LMOD1: variants seen among roughly 807,000 people sequenced by gnomAD.
The protein encoded by LMOD1 is leiomodin-1.
Under a neutral mutation model 36.5 loss-of-function variants are expected in LMOD1, and 8 were observed. The observed-to-expected ratio is 0.22, with a 90% CI of 0.13 to 0.40. The LOEUF is 0.40. Ranked by LOEUF, LMOD1 falls within the 10% of genes least tolerant of loss-of-function variation. LMOD1 has a pLI of 1.00. For synonymous variants in LMOD1, 284 were observed against 288.7 expected (o/e 0.98, Z 0.17); for missense variants, 630 against 751.1 (o/e 0.84, Z 1.88).
chr1:201,934,441 C>T (rs551089653), intron 1 of LMOD1, among the ~76,000 whole-genome samples: 1 of 152,262 alleles, frequency 6.6e-6, no homozygotes, highest in South Asian at 2.1e-4. Flanking sequence ...AGATGTGACC[C>T]CTCGACTGCA....
intron 1 of LMOD1, among the ~76,000 whole-genome samples, chr1:201,931,764 C>T (rs1392476764): frequency 4.0e-5 from 6 of 151,196 alleles, no homozygotes; most frequent in Admixed American, 6.6e-5. Flanking sequence ...TGGCTGGGCA[C>T]GGTGGGACAT....
Position 201,915,850 on chromosome 1 carries a change from G to A in LMOD1, c.262-15099C>T, listed in dbSNP as rs902690753. Among the ~76,000 whole-genome samples, 5 of 152,174 alleles carry A rather than the reference G, an allele frequency of 3.3e-5. No homozygotes were observed. The South Asian group carries it at 6.2e-4, about 19-fold the overall frequency. ...CGGTTTCGCTGACCTCCTCCAGGGC[G>A]ATCCTTGCACGGCAGCCCCAGGGAC... is the stretch of plus-strand genomic sequence containing the variant. On this transcript the variant is annotated intron_variant, in intron 1 of 2. Transcript: ENST00000367288.
At chr1:201,929,035 T>A (rs529414491) in intron 1 of LMOD1, among the ~76,000 whole-genome samples, 1 of 150,972 alleles carries the variant, frequency 6.6e-6, no homozygotes, top group Non-Finnish European at 1.5e-5. Flanking sequence ...ATATAATTAA[T>A]ATTTTCTTTA....
Position 201,921,976 on chromosome 1 carries a change from A to G in LMOD1, c.262-21225T>C, listed in dbSNP as rs114520673. On this transcript the variant is annotated intron_variant, in intron 1 of 2. Coordinates refer to ENST00000367288, the MANE Select transcript of LMOD1 (RefSeq NM_012134.3). Reference sequence around the variant, plus strand: ...TTCCATCTCAAAAAAAAAAAGAAAAAGAAAATCACCACATTATTTAATGAA... The same window carrying G: ...TTCCATCTCAAAAAAAAAAAGAAAAGGAAAATCACCACATTATTTAATGAA... Among the ~76,000 whole-genome samples, 1,342 of 151,916 alleles carry G rather than the reference A, an allele frequency of 8.8e-3. 23 individuals carry two copies. Among genetic ancestry groups the G allele is most frequent in the African/African-American group, 0.029 (1,193 of 41,426 alleles).
intron 1 of LMOD1, among the ~76,000 whole-genome samples, chr1:201,941,481 C>T (rs2819369): frequency 0.32 from 49,132 of 151,992 alleles, 8,250 homozygotes; most frequent in East Asian, 0.44. Flanking sequence ...ACCTCTTCTG[C>T]CCTCTTCACC....
intron 1 of LMOD1, among the ~76,000 whole-genome samples, chr1:201,915,032 A>C (rs1282690888): frequency 6.6e-6 from 1 of 152,208 alleles, no homozygotes; most frequent in Non-Finnish European, 1.5e-5. Context: ...CATGGAAATT[A>C]GTTTCATCCA....
In LMOD1 at chr1:201,901,558, ATATATG is replaced by A. The variant is rs1443344803; in HGVS notation, c.262-813_262-808del. On this transcript the variant is annotated intron_variant, in intron 1 of 2. Coordinates refer to ENST00000367288, the MANE Select transcript of LMOD1 (RefSeq NM_012134.3). ...TATATATATATATATATATACATAT[ATATATG>A]TATATATATATATATATATACATAT... 3.7e-3 allele frequency among the ~76,000 whole-genome samples: 126 copies of A among 33,722 alleles called. 9 individuals are homozygous for A. The highest frequency in any genetic ancestry group is 0.014 in the South Asian group (16 of 1,176). The allele number at this position is 33,722 out of a possible 152,430, so 22.1% of individuals were successfully genotyped here.
chr1:201,945,164 G>A lies in LMOD1; in HGVS notation c.261+916C>T, dbSNP rs573926461. On this transcript the variant is annotated intron_variant, in intron 1 of 2. Coordinates refer to ENST00000367288, the MANE Select transcript of LMOD1 (RefSeq NM_012134.3). ...GTATCCCACAAAGTCATACTTCATC[G>A]GAGGCTAGTTTGTCCAAAGAAAACT... 2.0e-4 allele frequency among the ~76,000 whole-genome samples: 30 copies of A among 152,214 alleles called. 1 individual carries two copies. In the South Asian group the frequency reaches 4.8e-3, roughly 24 times the overall value.
In LMOD1 at chr1:201,899,457, G is replaced by A; in HGVS notation, c.1556C>T (p.Pro519Leu). Reference protein sequence around the residue: ...PKPSPQPSPKPSPKNSPKKGG... With the variant: ...PKPSPQPSPKLSPKNSPKKGG... ...TTTTTTGGGTGAGTTCTTTGGAGAGGGCTTTGGAGATGGTTGAGGTGAAGG... is the reference window on the plus strand; with the variant it reads ...TTTTTTGGGTGAGTTCTTTGGAGAGAGCTTTGGAGATGGTTGAGGTGAAGG... Residue 519 changes from proline to leucine, a missense_variant, in exon 2 of 3, where the codon CCC (proline) becomes CTC (leucine). By Grantham distance (98) the Pro-to-Leu change is moderately conservative (BLOSUM62 -3). Transcript: ENST00000367288. This position sits in a 1 kb window ranked among gnomAD's most constrained non-coding sequence, Gnocchi z 6.3. The A allele has an allele frequency of 2.5e-6, 4 of 1,613,972 alleles. No individual in the cohort carries two copies. Among genetic ancestry groups the A allele is most frequent in the Non-Finnish European group, 2.5e-6 (3 of 1,179,890 alleles).
rs1209263932 is a variant in LMOD1, at chr1:201,901,519, T to TAC, written c.262-769_262-768insGT. 5.8e-4 allele frequency among the ~76,000 whole-genome samples: 38 copies of TAC among 65,066 alleles called. No homozygotes were observed. The South Asian group carries it at 0.018, about 30-fold the overall frequency. 42.7% of individuals were successfully genotyped at this position (65,066 alleles called of 152,430 possible). ...CTCTGTCTCAAAAAAAAAATATATA[T>TAC]ATATATATATGTATATATATATATA... On this transcript the variant is annotated intron_variant, in intron 1 of 2. Transcript: ENST00000367288.
intron 1 of LMOD1, among the ~76,000 whole-genome samples, chr1:201,904,168 A>G (rs1204548120): frequency 6.6e-6 from 1 of 152,060 alleles, no homozygotes; most frequent in Non-Finnish European, 1.5e-5. Flanking sequence ...TCTCACCCCT[A>G]GCCAGGACTC....
At chr1:201,915,003 T>C (rs1253774875) in intron 1 of LMOD1, among the ~76,000 whole-genome samples, 1 of 152,198 alleles carries the variant, frequency 6.6e-6, no homozygotes, top group Non-Finnish European at 1.5e-5. Flanking sequence ...AACACACTCT[T>C]GCCTCACCCC....
At chr1:201,918,937 G>A (rs1681652658) in intron 1 of LMOD1, among the ~76,000 whole-genome samples, 1 of 152,176 alleles carries the variant, frequency 6.6e-6, no homozygotes, top group African/African-American at 2.4e-5. Flanking sequence ...CTGTCACCCA[G>A]GCTGGAGTGT....
chr1:201,928,851 G>A (rs1031291714), intron 1 of LMOD1, among the ~76,000 whole-genome samples: 4 of 151,710 alleles, frequency 2.6e-5, no homozygotes, highest in African/African-American at 7.3e-5. Flanking sequence ...GAATAGCTGG[G>A]ATTACAGGTG....
rs1231955523 is a variant in LMOD1, at chr1:201,933,581, C to T, written c.261+12499G>A. 4.4e-3 allele frequency among the ~76,000 whole-genome samples: 536 copies of T among 120,766 alleles called. 6 individuals are homozygous for T. The highest frequency in any genetic ancestry group is 7.0e-3 in the Non-Finnish European group (399 of 57,014). 79.2% of individuals were successfully genotyped at this position (120,766 alleles called of 152,430 possible). A position where few individuals can be genotyped will look rare whatever the true frequency, so the allele number is the denominator to read the frequency against. The stretch of plus-strand genomic sequence containing the variant: ...AATACATATATATATTATATATGTA[C>T]ACATATACATACATTATATATATAT... On this transcript the variant is annotated intron_variant, in intron 1 of 2. Coordinates refer to ENST00000367288, the MANE Select transcript of LMOD1 (RefSeq NM_012134.3).
At position 201,900,318 on chromosome 1, in the gene LMOD1, G is replaced by A. The variant is rs778525055; in HGVS notation, c.695C>T (p.Thr232Ile). Residue 232 changes from threonine (T) to isoleucine (I), a missense_variant, in exon 2 of 3, where the codon ACC becomes ATC. By Grantham distance (89) the Thr-to-Ile change is moderately conservative. Around this residue, in one of 3 missense-constraint regions of LMOD1, gnomAD observed 405 missense variants for 400.6 expected, o/e 1.01. Coordinates refer to ENST00000367288, the MANE Select transcript of LMOD1 (RefSeq NM_012134.3). Reference sequence around the variant, plus strand: ...TTTCATCTTCTCACCCTCTTTTCTGGTGTCTGTGTTCCTACGCTCCCCTTT... The same window carrying A: ...TTTCATCTTCTCACCCTCTTTTCTGATGTCTGTGTTCCTACGCTCCCCTTT... Reference protein sequence around the residue: ...KVKGERRNTDTRKEGEKMKRA... With the variant: ...KVKGERRNTDIRKEGEKMKRA... 4.9e-5 allele frequency: 78 copies of A among 1,597,296 alleles called. No individual in the cohort carries two copies. Among genetic ancestry groups the A allele is most frequent in the Non-Finnish European group, 6.3e-5 (74 of 1,171,548 alleles).
rs754619674 is a variant in LMOD1 at position 201,900,310 on chromosome 1, C to G, written c.703G>C (p.Glu235Gln). The change falls in exon 2 of 3, where the codon GAG becomes CAG. Residue 235 changes from glutamate (E) to glutamine (Q), a missense_variant. Transcript: ENST00000367288. ...CCTGCTCTTTTCATCTTCTCACCCT[C>G]TTTTCTGGTGTCTGTGTTCCTACGC... is the stretch of plus-strand genomic sequence containing the variant. ...GERRNTDTRKEGEKMKRAGGN... is the reference protein window; with the variant it reads ...GERRNTDTRKQGEKMKRAGGN... 1 of 1,602,168 alleles carries G rather than the reference C, an allele frequency of 6.2e-7. No individual in the cohort carries two copies. Among genetic ancestry groups the G allele is most frequent in the South Asian group, 1.1e-5 (1 of 89,754 alleles).
intron 1 of LMOD1, among the ~76,000 whole-genome samples, chr1:201,934,770 C>T (rs919344266): frequency 1.3e-5 from 2 of 152,190 alleles, no homozygotes; most frequent in African/African-American, 4.8e-5. Context: ...TCTGTCTCAC[C>T]TTATTAAACC....
At chr1:201,901,488 G>A (rs1681298234) in intron 1 of LMOD1, among the ~76,000 whole-genome samples, 1 of 127,350 alleles carries the variant, frequency 7.9e-6, no homozygotes, top group Non-Finnish European at 1.6e-5. Context: ...AGCAACAAGA[G>A]CGAAACTCTG....
Sources: allele counts gnomAD v4.1 joint callset (sites outside exome capture counted in the v4.1 genomes callset), GRCh38; gene constraint gnomAD v4.1.1; regional missense constraint gnomAD v4.1.1; non-coding constraint Gnocchi (gnomAD v3.1); transcripts MANE v1.5; gene names NCBI Gene and HGNC (gene_info 2026-07-23, HGNC 2026-07-21).